DHRSX: variants seen among roughly 807,000 people sequenced by gnomAD.
DHRSX encodes the protein dehydrogenase/reductase X-linked.
DHRSX carries 31 observed loss-of-function variants against 34.0 expected under a neutral mutation model. That is an observed-to-expected ratio of 0.91 (90% CI 0.69 to 1.23). DHRSX has a LOEUF of 1.23. Ranked by LOEUF, DHRSX falls within the 50% of genes most tolerant of loss-of-function variation. DHRSX has a pLI of 0.00. For missense variants in DHRSX, 414 were observed against 428.1 expected (o/e 0.97, Z 0.29); for synonymous variants, 201 against 183.8 (o/e 1.09, Z -0.76).
chrX:2,245,705 C>A (rs1178953132), intron 5 of DHRSX, among the ~76,000 whole-genome samples: 1 of 147,090 alleles, frequency 6.8e-6, no homozygotes, highest in Non-Finnish European at 1.5e-5. Context: ...TGCCTGTAAT[C>A]TCAGCACTTT....
chrX:2,379,159 C>T (rs760469098), intron 3 of DHRSX, among the ~76,000 whole-genome samples: 12 of 150,458 alleles, frequency 8.0e-5, no homozygotes, highest in African/African-American at 3.0e-4. Flanking sequence ...AAGGTCTTCA[C>T]GTGCCCCTAA....
At chrX:2,424,491 A>G (rs2043818127) in intron 2 of DHRSX, among the ~76,000 whole-genome samples, 1 of 152,174 alleles carries the variant, frequency 6.6e-6, no homozygotes, top group Non-Finnish European at 1.5e-5. Flanking sequence ...ATTGGGAGGA[A>G]CCAGCCCTAC....
chrX:2,226,502 C>CT (rs1188968586), intron 6 of DHRSX, among the ~76,000 whole-genome samples: 1 of 152,098 alleles, frequency 6.6e-6, no homozygotes, highest in East Asian at 1.9e-4. Context: ...CCTTTGTGAT[C>CT]TTTTTCCCCA....
At chrX:2,231,797 C>A (rs1318721670) in intron 6 of DHRSX, among the ~76,000 whole-genome samples, 2 of 132,020 alleles carry the variant, frequency 1.5e-5, no homozygotes, top group Non-Finnish European at 3.1e-5. Flanking sequence ...GTTTTTCTCT[C>A]TATCCCTCTC....
intron 1 of DHRSX, among the ~76,000 whole-genome samples, chrX:2,426,389 T>A (rs2043846725): frequency 1.3e-5 from 2 of 150,062 alleles, no homozygotes; most frequent in Admixed American, 1.3e-4. Flanking sequence ...CCTTCCTTCC[T>A]CCTTCCTTCT....
intron 1 of DHRSX, among the ~76,000 whole-genome samples, chrX:2,446,919 G>C (rs2044145506): frequency 6.6e-6 from 1 of 152,040 alleles, no homozygotes. Context: ...ATGTGGCTGA[G>C]GGGCCGCCGC....
At chrX:2,231,486 CTCT>C (rs1283383373) in intron 6 of DHRSX, among the ~76,000 whole-genome samples, 2 of 149,984 alleles carry the variant, frequency 1.3e-5, no homozygotes, top group African/African-American at 2.5e-5. Context: ...TATCCTCCTC[CTCT>C]TTCATTTCTT....
At position 2,242,065 on chromosome X, in the gene DHRSX, A is replaced by G. The variant is rs1024059123; in HGVS notation, c.804+958T>C. 2.6e-5 allele frequency among the ~76,000 whole-genome samples: 4 copies of G among 152,084 alleles called. 1 individual carries two copies. Among genetic ancestry groups the G allele is most frequent in the African/African-American group, 4.8e-5 (2 of 41,442 alleles). The stretch of plus-strand genomic sequence containing the variant: ...CCCCACTCCCCTTCCGCTAAGAAGA[A>G]GAGGACACAAGCGTCTGTACCCCTT... On this transcript the variant is annotated intron_variant, in intron 6 of 6. Coordinates refer to ENST00000334651, the MANE Select transcript of DHRSX (RefSeq NM_145177.3).
At chrX:2,484,961 C>G (rs1016604711) in intron 1 of DHRSX, among the ~76,000 whole-genome samples, 3 of 152,042 alleles carry the variant, frequency 2.0e-5, no homozygotes, top group African/African-American at 4.8e-5. Context: ...CTAAAACATC[C>G]GAAACCTTTT....
intron 4 of DHRSX, among the ~76,000 whole-genome samples, chrX:2,268,279 T>G (rs2041501684): frequency 6.6e-6 from 1 of 152,216 alleles, no homozygotes; most frequent in Admixed American, 6.5e-5. Context: ...TACTGCCTTG[T>G]ACTTAGAGCA....
chrX:2,426,162 A>G (rs2043844350), intron 1 of DHRSX, among the ~76,000 whole-genome samples: 1 of 152,160 alleles, frequency 6.6e-6, no homozygotes, highest in Non-Finnish European at 1.5e-5. Context: ...AGGGTTGACA[A>G]GGCCATGAAA....
intron 3 of DHRSX, among the ~76,000 whole-genome samples, chrX:2,294,301 T>A (rs2041903705): frequency 6.6e-6 from 1 of 151,964 alleles, no homozygotes. Context: ...CCCAGCACTT[T>A]AGGAGGCGAA....
At chrX:2,321,291 T>C (rs2042308146) in intron 3 of DHRSX, among the ~76,000 whole-genome samples, 4 of 152,246 alleles carry the variant, frequency 2.6e-5, no homozygotes, top group African/African-American at 4.8e-5. Context: ...GGACATCGAA[T>C]GTGTAACGCA....
chrX:2,488,885 G>A (rs148370162), intron 1 of DHRSX: 111 of 1,611,198 alleles, frequency 6.9e-5, no homozygotes, highest in Middle Eastern at 1.7e-4. Flanking sequence ...GCGCGTGGCC[G>A]TCACGCACCA....
chrX:2,381,081 G>T (rs1461814486), intron 3 of DHRSX, among the ~76,000 whole-genome samples: 1 of 152,024 alleles, frequency 6.6e-6, no homozygotes, highest in Non-Finnish European at 1.5e-5. Context: ...GGCCAGGCTG[G>T]CCTCGAACTC....
At chrX:2,320,152 G>A (rs1299878206) in intron 3 of DHRSX, among the ~76,000 whole-genome samples, 1 of 151,190 alleles carries the variant, frequency 6.6e-6, no homozygotes, top group African/African-American at 2.4e-5. Context: ...TTTGTGCCAC[G>A]TGATAAATAT....
chrX:2,274,727 G>A (rs1316145191), intron 4 of DHRSX, among the ~76,000 whole-genome samples: 4 of 152,012 alleles, frequency 2.6e-5, no homozygotes, highest in South Asian at 2.1e-4. Flanking sequence ...CACCGCGCCC[G>A]GCCACGCACC....
intron 3 of DHRSX, among the ~76,000 whole-genome samples, chrX:2,403,781 G>A (rs768553233): frequency 4.0e-5 from 6 of 149,084 alleles, no homozygotes; most frequent in South Asian, 2.1e-4. Context: ...GCTTGAACCC[G>A]GGAGGCGGAG....
intron 3 of DHRSX, among the ~76,000 whole-genome samples, chrX:2,387,391 G>A (rs1325375943): frequency 3.9e-5 from 6 of 152,054 alleles, no homozygotes; most frequent in South Asian, 2.1e-4. Context: ...TAACTCACAC[G>A]ATCACAAGGT....
Sources: gnomAD v4.1 joint callset for allele counts (sites outside exome capture counted in the v4.1 genomes callset) on GRCh38, gnomAD v4.1.1 for gene constraint, MANE v1.5 for transcripts, NCBI Gene and HGNC (gene_info 2026-07-23, HGNC 2026-07-21) for gene names.